The following XIRP2 variants were observed in gnomAD, a reference collection of about 807,000 sequenced individuals.
XIRP2 encodes xin actin-binding repeat-containing protein 2.
XIRP2 carries 236 observed loss-of-function variants against 277.0 expected under a neutral mutation model. The observed-to-expected ratio is 0.85, with a 90% CI of 0.77 to 0.95. XIRP2 has a LOEUF of 0.95. Ranked by LOEUF, XIRP2 falls within the 40% of genes least tolerant of loss-of-function variation. The probability of loss-of-function intolerance (pLI) is 0.00; values close to 1 mark genes in which losing one functional copy is unlikely to be tolerated. For synonymous variants in XIRP2, 1,490 were observed against 1,416.5 expected (o/e 1.05, Z -1.17); for missense variants, 4,640 against 4,157.5 (o/e 1.12, Z -3.19).
intron 3 of XIRP2, among the ~76,000 whole-genome samples, chr2:167,140,486 C>T (rs953411225): frequency 1.3e-5 from 2 of 152,128 alleles, no homozygotes; most frequent in South Asian, 2.1e-4. Flanking sequence ...CTAACACCAT[C>T]GACACCATTT....
intron 2 of XIRP2, among the ~76,000 whole-genome samples, chr2:167,067,153 G>A (rs904714591): frequency 2.2e-4 from 33 of 151,582 alleles, no homozygotes; most frequent in African/African-American, 7.8e-4. Flanking sequence ...TTCCTTTCCC[G>A]AGACTTCAAT....
chr2:167,205,576 G>A (rs1450489502), intron 3 of XIRP2, among the ~76,000 whole-genome samples: 1 of 152,004 alleles, frequency 6.6e-6, no homozygotes, highest in Non-Finnish European at 1.5e-5. Flanking sequence ...GTATCTTTTA[G>A]CTATGGAATG....
intron 3 of XIRP2, among the ~76,000 whole-genome samples, chr2:167,149,779 A>C (rs1425498923): frequency 6.6e-6 from 1 of 152,108 alleles, no homozygotes; most frequent in East Asian, 1.9e-4. Flanking sequence ...CAATATCATA[A>C]AAATATTTAA....
intron 2 of XIRP2, among the ~76,000 whole-genome samples, chr2:167,075,405 C>A (rs544762748): frequency 3.3e-5 from 5 of 152,256 alleles, no homozygotes; most frequent in South Asian, 4.1e-4. Context: ...CAATTCAGCC[C>A]TTTTTCCTCA....
intron 2 of XIRP2, among the ~76,000 whole-genome samples, chr2:166,979,473 G>T (rs1475552701): frequency 6.7e-6 from 1 of 148,392 alleles, no homozygotes; most frequent in Non-Finnish European, 1.5e-5. Context: ...TTAGGAGAAA[G>T]CATTCAATAT....
Position 167,242,816 on chromosome 2 carries a change from T to A in XIRP2, c.1424T>A (p.Leu475Gln), listed in dbSNP as rs1182730231. 6 of 1,614,054 alleles carry A rather than the reference T, an allele frequency of 3.7e-6. No individual in the cohort carries two copies. The African/African-American group carries it at 6.7e-5, about 18-fold the overall frequency. ...ACAGCATTTTCCCAGTCCCCTGAAC[T>A]GCCCAGTCCTCCTAGAAGACTACCA... is the stretch of plus-strand genomic sequence containing the variant. ...DVTAFSQSPE[L>Q]PSPPRRLPVP... The change falls in exon 9 of 11, where the codon CTG (leucine) becomes CAG (glutamine). Residue 475 changes from leucine to glutamine, a missense_variant. Transcript: ENST00000409195.
At chr2:167,017,987 G>T (rs923528574) in intron 2 of XIRP2, among the ~76,000 whole-genome samples, 1 of 151,994 alleles carries the variant, frequency 6.6e-6, no homozygotes, top group Non-Finnish European at 1.5e-5. Context: ...TATTACCTTA[G>T]CTGGGTCTAC....
intron 2 of XIRP2, among the ~76,000 whole-genome samples, chr2:166,953,833 C>T (rs1371228052): frequency 6.6e-6 from 1 of 151,814 alleles, no homozygotes; most frequent in African/African-American, 2.4e-5. Flanking sequence ...TCTTTCCTTC[C>T]TTCCTCTGTT....
intron 2 of XIRP2, among the ~76,000 whole-genome samples, chr2:166,960,929 C>T (rs1342098495): frequency 6.6e-6 from 1 of 151,686 alleles, no homozygotes; most frequent in African/African-American, 2.4e-5. Flanking sequence ...CTGGCTTGTG[C>T]CCTTTGAGGC....
chr2:167,164,237 G>A (rs1294642809), intron 3 of XIRP2, among the ~76,000 whole-genome samples: 2 of 151,742 alleles, frequency 1.3e-5, no homozygotes, highest in Middle Eastern at 3.4e-3. Flanking sequence ...TCAGGAGGTC[G>A]AGACCATCCT....
chr2:166,946,811 A>G (rs1487153157), intron 2 of XIRP2, among the ~76,000 whole-genome samples: 1 of 152,144 alleles, frequency 6.6e-6, no homozygotes, highest in East Asian at 1.9e-4. Flanking sequence ...TAATAGTCAA[A>G]TAAAAAGTAT....
chr2:167,082,790 G>T (rs891563913), intron 2 of XIRP2, among the ~76,000 whole-genome samples: 1 of 152,078 alleles, frequency 6.6e-6, no homozygotes, highest in Non-Finnish European at 1.5e-5. Context: ...TGATGGGGTT[G>T]TTTGTTTTTT....
Position 167,051,287 on chromosome 2 carries a change from C to T in XIRP2, c.409-84622C>T, listed in dbSNP as rs150582821. On this transcript the variant is annotated intron_variant, in intron 2 of 10. Coordinates refer to ENST00000409195, the MANE Select transcript of XIRP2 (RefSeq NM_152381.6). ...CAGCTATTCTTCTAAATTGCCTTAC[C>T]ATTTACAGTGTGTCACCTCTAACTC... Among the ~76,000 whole-genome samples the T allele has an allele frequency of 2.3e-3, 350 of 152,162 alleles. 2 individuals carry two copies. The Middle Eastern group carries it at 0.044, about 19-fold the overall frequency.
chr2:167,169,133 T>C (rs1315895043), intron 3 of XIRP2, among the ~76,000 whole-genome samples: 1 of 152,174 alleles, frequency 6.6e-6, no homozygotes, highest in Non-Finnish European at 1.5e-5. Context: ...AGGAAGGCTT[T>C]TATAGTCCTA....
intron 3 of XIRP2, among the ~76,000 whole-genome samples, chr2:167,186,805 G>GTTT (rs77891647): frequency 7.6e-6 from 1 of 131,928 alleles, no homozygotes; most frequent in Admixed American, 7.7e-5. Flanking sequence ...ATTCTTCCTT[G>GTTT]TTTTTTTTTT....
chr2:166,994,995 C>T (rs1217132607), intron 2 of XIRP2, among the ~76,000 whole-genome samples: 2 of 151,850 alleles, frequency 1.3e-5, no homozygotes, highest in African/African-American at 4.8e-5. Context: ...GATTATCCTG[C>T]CTCAGCCTCC....
At chr2:167,164,466 A>G (rs1475922044) in intron 3 of XIRP2, among the ~76,000 whole-genome samples, 2 of 151,668 alleles carry the variant, frequency 1.3e-5, no homozygotes, top group East Asian at 1.9e-4. Context: ...AAAAAAAAAA[A>G]AAAAGAATTA....
At chr2:167,076,366 A>C (rs1689573149) in intron 2 of XIRP2, among the ~76,000 whole-genome samples, 1 of 152,234 alleles carries the variant, frequency 6.6e-6, no homozygotes. Flanking sequence ...AAGGTAAAAC[A>C]ACACCATGGA....
chr2:166,937,580 A>G (rs577102369), intron 2 of XIRP2, among the ~76,000 whole-genome samples: 1 of 151,998 alleles, frequency 6.6e-6, no homozygotes, highest in Admixed American at 6.6e-5. Context: ...TCTCTGTCAG[A>G]CTTTGGTATC....
Sources: allele counts gnomAD v4.1 joint callset (sites outside exome capture counted in the v4.1 genomes callset), GRCh38; gene constraint gnomAD v4.1.1; transcripts MANE v1.5; gene names NCBI Gene and HGNC (gene_info 2026-07-23, HGNC 2026-07-21).